The following GRM7 variants were observed in gnomAD, a reference collection of about 807,000 sequenced individuals.
GRM7 encodes the protein glutamate metabotropic receptor 7.
In GRM7, 35 loss-of-function variants were observed where a neutral mutation model predicts 84.5. That is an observed-to-expected ratio of 0.41 (90% confidence interval 0.32 to 0.55). The LOEUF (loss-of-function observed/expected upper bound fraction) is 0.55, where lower values mean the gene tolerates loss of function less well. Among genes scored for constraint, GRM7 ranks in the 20% least tolerant of loss-of-function variants. The pLI is 0.19. For synonymous variants in GRM7, 487 were observed against 455.1 expected, an observed-to-expected ratio of 1.07 and a Z score of -0.89; for missense variants, 1,003 against 1,194.6, an observed-to-expected ratio of 0.84 and a Z score of 2.36.
intron 9 of GRM7, among the ~76,000 whole-genome samples, chr3:7,707,232 G>T (rs967335204): frequency 6.6e-6 from 1 of 152,096 alleles, no homozygotes; most frequent in Non-Finnish European, 1.5e-5. Context: ...GACCAACTAG[G>T]AGAAAAATGC....
chr3:7,037,944 C>T (rs1696440595), intron 1 of GRM7, among the ~76,000 whole-genome samples: 2 of 152,080 alleles, frequency 1.3e-5, no homozygotes, highest in African/African-American at 4.8e-5. Context: ...AAGTACTCAA[C>T]TTCTATAATA....
intron 1 of GRM7, among the ~76,000 whole-genome samples, chr3:6,866,339 G>A (rs1411884924): frequency 6.7e-6 from 1 of 149,300 alleles, no homozygotes; most frequent in Non-Finnish European, 1.5e-5. Context: ...TGCCTTATCT[G>A]CTTTTTTTTT....
At chr3:7,162,253 T>A (rs983099004) in intron 2 of GRM7, among the ~76,000 whole-genome samples, 1 of 152,094 alleles carries the variant, frequency 6.6e-6, no homozygotes, top group Non-Finnish European at 1.5e-5. Flanking sequence ...TGCTGTGAGA[T>A]GGGAAGCGAT....
intron 1 of GRM7, among the ~76,000 whole-genome samples, chr3:7,002,266 A>G (rs961048923): frequency 2.0e-5 from 3 of 152,146 alleles, no homozygotes; most frequent in African/African-American, 7.2e-5. Context: ...AGCTTTTTAG[A>G]TTTGTGTTTG....
chr3:7,681,933 G>A (rs943514040), intron 9 of GRM7: 6 of 152,128 alleles, frequency 3.9e-5, no homozygotes, highest in African/African-American at 1.2e-4. Flanking sequence ...GAGGCAAAAA[G>A]CTTTGCTTAG....
At chr3:7,582,285 C>T (rs1433746203) in intron 8 of GRM7, among the ~76,000 whole-genome samples, 1 of 152,136 alleles carries the variant, frequency 6.6e-6, no homozygotes, top group Non-Finnish European at 1.5e-5. Context: ...ATACAGGCTA[C>T]CCGGTCAAAA....
chr3:7,173,556 A>T (rs1559484258), intron 2 of GRM7, among the ~76,000 whole-genome samples: 1 of 152,210 alleles, frequency 6.6e-6, no homozygotes, highest in Admixed American at 6.5e-5. Flanking sequence ...GCTTGGATCA[A>T]CATTGCTTCT....
intron 8 of GRM7, among the ~76,000 whole-genome samples, chr3:7,629,626 A>T (rs1042822580): frequency 1.1e-4 from 17 of 152,166 alleles, no homozygotes; most frequent in Non-Finnish European, 1.6e-4. Flanking sequence ...TGGTATGGGG[A>T]CAACTTCATC....
intron 1 of GRM7, among the ~76,000 whole-genome samples, chr3:6,988,261 G>A (rs990711494): frequency 3.4e-5 from 5 of 146,240 alleles, no homozygotes; most frequent in South Asian, 2.2e-4. Flanking sequence ...TGCCTGCCTC[G>A]GCCTCCCAAA....
At chr3:6,960,979 T>C (rs1178049166) in intron 1 of GRM7, among the ~76,000 whole-genome samples, 1 of 152,200 alleles carries the variant, frequency 6.6e-6, no homozygotes, top group African/African-American at 2.4e-5. Context: ...TTTCTGAATA[T>C]TTTTGCTTGC....
intron 7 of GRM7, among the ~76,000 whole-genome samples, chr3:7,570,034 T>C (rs1003067576): frequency 4.6e-5 from 7 of 152,086 alleles, no homozygotes; most frequent in Non-Finnish European, 1.0e-4. Context: ...CCATCAGATC[T>C]CATGAGACTC....
chr3:7,657,493 G>C (rs572894459), intron 8 of GRM7, among the ~76,000 whole-genome samples: 37 of 152,322 alleles, frequency 2.4e-4, no homozygotes, highest in African/African-American at 8.4e-4. Flanking sequence ...AGAGGAGAAA[G>C]AGTTTCATTT....
chr3:7,111,145 A>G (rs1471711936), intron 1 of GRM7, among the ~76,000 whole-genome samples: 1 of 152,140 alleles, frequency 6.6e-6, no homozygotes, highest in Non-Finnish European at 1.5e-5. Flanking sequence ...GATAGGCTGC[A>G]GGGGTTGATC....
At chr3:7,191,983 G>A (rs966530301) in intron 2 of GRM7, among the ~76,000 whole-genome samples, 3 of 152,000 alleles carry the variant, frequency 2.0e-5, no homozygotes, top group African/African-American at 7.3e-5. Context: ...AAACTTTACT[G>A]ATCACCAGAT....
At chr3:7,398,407 C>G (rs2125153461) in intron 4 of GRM7, among the ~76,000 whole-genome samples, 1 of 152,190 alleles carries the variant, frequency 6.6e-6, no homozygotes, top group Non-Finnish European at 1.5e-5. Context: ...AGGATGAATG[C>G]ACAGAAATTA....
chr3:7,700,534 G>A lies in GRM7; in HGVS notation c.2698+20239G>A, dbSNP rs571486672. Among the ~76,000 whole-genome samples, 15 of 152,306 alleles carry A rather than the reference G, an allele frequency of 9.8e-5. No homozygotes were observed. The South Asian group carries it at 2.9e-3, about 29-fold the overall frequency. On this transcript the variant is annotated intron_variant, in intron 9 of 9. Coordinates refer to ENST00000357716, the MANE Select transcript of GRM7 (RefSeq NM_000844.4). ...CAAGCTTGACAGTTTGTCTTTGAAGGAGATTGCTAAGCTTTTAGATTCTTC... is the reference window on the plus strand; with the variant it reads ...CAAGCTTGACAGTTTGTCTTTGAAGAAGATTGCTAAGCTTTTAGATTCTTC...
At chr3:7,018,279 C>T (rs929987766) in intron 1 of GRM7, among the ~76,000 whole-genome samples, 6 of 152,124 alleles carry the variant, frequency 3.9e-5, no homozygotes, top group African/African-American at 1.4e-4. Context: ...TCAGACTAGC[C>T]AATTTCATGT....
At chr3:7,629,468 AAGAG>A (rs1479010050) in intron 8 of GRM7, among the ~76,000 whole-genome samples, 1 of 152,158 alleles carries the variant, frequency 6.6e-6, no homozygotes, top group Non-Finnish European at 1.5e-5. Context: ...CCAGTGCAGA[AAGAG>A]AGAGCACTCT....
intron 8 of GRM7, among the ~76,000 whole-genome samples, chr3:7,589,074 C>G (rs971450497): frequency 6.6e-6 from 1 of 152,198 alleles, no homozygotes; most frequent in Non-Finnish European, 1.5e-5. Flanking sequence ...CTCTGGTAAC[C>G]TTCCCAGTTC....
Sources: gnomAD v4.1 joint callset for allele counts (sites outside exome capture counted in the v4.1 genomes callset) on GRCh38, gnomAD v4.1.1 for gene constraint, MANE v1.5 for transcripts, NCBI Gene and HGNC (gene_info 2026-07-23, HGNC 2026-07-21) for gene names.